GTF2F2: variants seen among roughly 807,000 people sequenced by gnomAD.
The protein encoded by GTF2F2 is general transcription factor IIF subunit 2.
In GTF2F2, 23 loss-of-function variants were observed where a neutral mutation model predicts 42.2. The observed-to-expected ratio is 0.55, with a 90% CI of 0.39 to 0.77. The LOEUF (loss-of-function observed/expected upper bound fraction) is 0.77. Ranked by LOEUF, GTF2F2 falls within the 30% of genes least tolerant of loss-of-function variation. GTF2F2 has a pLI of 0.00. For missense variants in GTF2F2, 261 were observed against 287.2 expected (o/e 0.91, Z 0.66); for synonymous variants, 105 against 100.8 (o/e 1.04, Z -0.25).
intron 4 of GTF2F2, among the ~76,000 whole-genome samples, chr13:45,195,846 AG>A (rs1872864994): frequency 6.6e-6 from 1 of 152,090 alleles, no homozygotes; most frequent in Non-Finnish European, 1.5e-5. Flanking sequence ...TGTAGAGACA[AG>A]TTTTTGCCAT....
At chr13:45,142,236 G>T (rs966681392) in intron 2 of GTF2F2, among the ~76,000 whole-genome samples, 1 of 152,148 alleles carries the variant, frequency 6.6e-6, no homozygotes. Flanking sequence ...GCGTGATCTC[G>T]GCTCACTGCA....
At chr13:45,230,824 A>G (rs1410027408) in intron 5 of GTF2F2, among the ~76,000 whole-genome samples, 3 of 152,210 alleles carry the variant, frequency 2.0e-5, no homozygotes, top group Non-Finnish European at 4.4e-5. Context: ...GTTAATTCCT[A>G]CACGGTGTCA....
chr13:45,186,299 AT>A (rs1383278682), intron 4 of GTF2F2, among the ~76,000 whole-genome samples: 4 of 131,440 alleles, frequency 3.0e-5, no homozygotes, highest in African/African-American at 5.7e-5. Flanking sequence ...TTTAATTTTA[AT>A]TTTTTTTTTG....
intron 4 of GTF2F2, among the ~76,000 whole-genome samples, chr13:45,158,870 A>G (rs1870896026): frequency 6.6e-6 from 1 of 152,182 alleles, no homozygotes; most frequent in Non-Finnish European, 1.5e-5. Context: ...TAGTACTCTA[A>G]TGGTACTTTT....
intron 4 of GTF2F2, among the ~76,000 whole-genome samples, chr13:45,180,199 G>A: frequency 6.6e-6 from 1 of 151,972 alleles, no homozygotes; most frequent in Admixed American, 6.6e-5. Context: ...TTATAAATAA[G>A]TTTGTACTTT....
chr13:45,274,778 A>AGGCATGGAG (rs1876956736), intron 7 of GTF2F2, among the ~76,000 whole-genome samples: 2 of 152,046 alleles, frequency 1.3e-5, no homozygotes, highest in Non-Finnish European at 2.9e-5. Context: ...TCCTGTCTCC[A>AGGCATGGAG]CAAAAAACAC....
chr13:45,212,548 CTCTCTTTCTCTCTT>C (rs1873730152), intron 5 of GTF2F2, among the ~76,000 whole-genome samples: 1 of 146,534 alleles, frequency 6.8e-6, no homozygotes, highest in Non-Finnish European at 1.5e-5. Flanking sequence ...CTTTCTCTCT[CTCTCTTTCTCTCTT>C]TCTTTCTTTC....
chr13:45,222,783 C>T (rs1378331027), intron 5 of GTF2F2, among the ~76,000 whole-genome samples: 3 of 152,204 alleles, frequency 2.0e-5, no homozygotes, highest in Non-Finnish European at 4.4e-5. Context: ...TGTTCTTTGA[C>T]ATGCAACATC....
chr13:45,235,071 AG>A (rs1333687507), intron 5 of GTF2F2, among the ~76,000 whole-genome samples: 7 of 137,886 alleles, frequency 5.1e-5, no homozygotes, highest in South Asian at 4.6e-4. Context: ...AAAAAAAAAA[AG>A]GTCATAGTTG....
At chr13:45,274,470 G>A (rs1438052951) in intron 7 of GTF2F2, among the ~76,000 whole-genome samples, 1 of 151,722 alleles carries the variant, frequency 6.6e-6, no homozygotes, top group Non-Finnish European at 1.5e-5. Flanking sequence ...GGGATTACAG[G>A]CACATGCCAC....
chr13:45,211,431 CTTAT>C (rs982746937), intron 5 of GTF2F2, among the ~76,000 whole-genome samples: 1 of 146,310 alleles, frequency 6.8e-6, no homozygotes, highest in Non-Finnish European at 1.5e-5. Context: ...TAAATATTTA[CTTAT>C]TTATTTATTT....
intron 7 of GTF2F2, among the ~76,000 whole-genome samples, chr13:45,280,347 T>TC (rs1423657454): frequency 6.6e-6 from 1 of 152,260 alleles, no homozygotes; most frequent in Non-Finnish European, 1.5e-5. Context: ...CTGTTCTCTG[T>TC]CCATGTCTTC....
chr13:45,150,647 GA>G (rs370971827), intron 3 of GTF2F2, among the ~76,000 whole-genome samples: 25,902 of 129,208 alleles, frequency 0.2, 2,753 homozygotes, highest in African/African-American at 0.25. Context: ...AGATTTTAGG[GA>G]AAAAAAAAAA....
chr13:45,273,612 C>T (rs1876893490), intron 7 of GTF2F2, among the ~76,000 whole-genome samples: 1 of 151,508 alleles, frequency 6.6e-6, no homozygotes, highest in Non-Finnish European at 1.5e-5. Flanking sequence ...ATAAAATCTC[C>T]ATACCATCCT....
At position 45,258,494 on chromosome 13, in the gene GTF2F2, A is replaced by G. The variant is rs180749819; in HGVS notation, c.486+5524A>G. Reference sequence around the variant, plus strand: ...GCAGACCTCTTGCCACCCCACCCTTACCACCAAGGCTAGAGTTGAAGACTT... The same window carrying G: ...GCAGACCTCTTGCCACCCCACCCTTGCCACCAAGGCTAGAGTTGAAGACTT... On this transcript the variant is annotated intron_variant, in intron 6 of 7. Coordinates refer to ENST00000340473, the MANE Select transcript of GTF2F2 (RefSeq NM_004128.3). Among the ~76,000 whole-genome samples the G allele has an allele frequency of 5.9e-5, 9 of 152,278 alleles. No individual in the cohort carries two copies. The East Asian group carries it at 1.7e-3, about 29-fold the overall frequency.
At chr13:45,200,179 AT>A (rs1247688232) in intron 4 of GTF2F2, among the ~76,000 whole-genome samples, 2 of 152,140 alleles carry the variant, frequency 1.3e-5, no homozygotes, top group Admixed American at 6.6e-5. Context: ...TCTGTGAGCT[AT>A]TCCCTCCGTA....
At chr13:45,240,101 ATT>A (rs34744288) in intron 5 of GTF2F2, among the ~76,000 whole-genome samples, 3 of 91,088 alleles carry the variant, frequency 3.3e-5, no homozygotes, top group Admixed American at 1.1e-4. Flanking sequence ...ATGTAGAGGG[ATT>A]TTTTTTTTTT....
At chr13:45,136,171 T>G (rs1419176404) in intron 1 of GTF2F2, among the ~76,000 whole-genome samples, 1 of 152,208 alleles carries the variant, frequency 6.6e-6, no homozygotes, top group Non-Finnish European at 1.5e-5. Flanking sequence ...GGGGTAATAG[T>G]ACCTGTTCCA....
At chr13:45,241,712 T>C (rs1329011992) in intron 5 of GTF2F2, among the ~76,000 whole-genome samples, 1 of 152,210 alleles carries the variant, frequency 6.6e-6, no homozygotes, top group Non-Finnish European at 1.5e-5. Context: ...ATCTAAATGT[T>C]AGCATATATT....
Sources: allele counts gnomAD v4.1 joint callset (sites outside exome capture counted in the v4.1 genomes callset), GRCh38; gene constraint gnomAD v4.1.1; transcripts MANE v1.5; gene names NCBI Gene and HGNC (gene_info 2026-07-23, HGNC 2026-07-21).